The following LRBA variants were observed in gnomAD, a reference collection of about 807,000 sequenced individuals.
The protein encoded by LRBA is LPS responsive beige-like anchor protein, also known as lipopolysaccharide-responsive and beige-like anchor protein.
Under a neutral mutation model 330.0 loss-of-function variants are expected in LRBA, and 176 were observed. That is an observed-to-expected ratio of 0.53 (90% CI 0.47 to 0.60). The LOEUF is 0.60. Among genes scored for constraint, LRBA ranks in the 20% least tolerant of loss-of-function variants. LRBA has a pLI of 0.00. For synonymous variants in LRBA, 1,230 were observed against 1,193.0 expected, an observed-to-expected ratio of 1.03 and a Z score of -0.64; for missense variants, 3,259 against 3,444.8, an observed-to-expected ratio of 0.95 and a Z score of 1.35.
rs777328686 is a variant in LRBA, at chr4:150,768,063, C to CA, written c.5581-6217dup. Among the ~76,000 whole-genome samples the CA allele has an allele frequency of 1.4e-3, 79 of 57,886 alleles. 1 individual carries two copies. Among genetic ancestry groups the CA allele is most frequent in the East Asian group, 3.0e-3 (5 of 1,690 alleles). The allele number at this position is 57,886 out of a possible 152,430, so 38.0% of individuals were successfully genotyped here. A position where few individuals can be genotyped will look rare whatever the true frequency, so the allele number is the denominator to read the frequency against. ...TGGGCAACAGAATGAGACTCTGTCT[C>CA]AAAAAAAAAAAAAAAAAAAAGTTTT... On this transcript the variant is annotated intron_variant, in intron 34 of 56. Transcript: ENST00000651943.
chr4:150,583,363 C>T lies in LRBA; in HGVS notation c.6330+4685G>A. 6.2e-7 allele frequency: 1 copy of T among 1,614,194 alleles called. No homozygotes were observed. The highest frequency in any genetic ancestry group is 8.5e-7 in the Non-Finnish European group (1 of 1,180,044). On this transcript the variant is annotated intron_variant, in intron 40 of 56. Coordinates refer to ENST00000651943, the MANE Select transcript of LRBA (RefSeq NM_001364905.1). The surrounding 1 kb of genome is among the most constrained non-coding windows in gnomAD (Gnocchi z 9.8). ...CGATGGGCGGAAGCGGAGCATGTCT[C>T]TCTGGGTCGAGTTCATCACGGCGTC...
At chr4:150,550,226 CAGTT>C (rs1053939347) in intron 40 of LRBA, among the ~76,000 whole-genome samples, 46 of 152,116 alleles carry the variant, frequency 3.0e-4, no homozygotes, top group Admixed American at 8.5e-4. Flanking sequence ...TTTAATTGGT[CAGTT>C]AAAGTATTTT....
At position 150,552,710 on chromosome 4, in the gene LRBA, C is replaced by T. The variant is rs549008577; in HGVS notation, c.6330+35338G>A. On this transcript the variant is annotated intron_variant, in intron 40 of 56. Transcript: ENST00000651943. ...GACACATGCACACGTATGTTTACTG[C>T]GGCACTACTCACAATAGTAAAGACT... 7.2e-5 allele frequency among the ~76,000 whole-genome samples: 11 copies of T among 152,138 alleles called. No homozygotes were observed. The South Asian group carries it at 8.3e-4, about 12-fold the overall frequency.
intron 29 of LRBA, among the ~76,000 whole-genome samples, chr4:150,829,421 C>G (rs1033305296): frequency 1.8e-4 from 27 of 152,286 alleles, no homozygotes; most frequent in Admixed American, 1.4e-3. Flanking sequence ...TCAACCCATT[C>G]TAGCAAAAAT....
At chr4:150,462,795 C>G (rs951976811) in intron 44 of LRBA, among the ~76,000 whole-genome samples, 2 of 151,798 alleles carry the variant, frequency 1.3e-5, no homozygotes, top group Non-Finnish European at 2.9e-5. Context: ...GCTATGCATA[C>G]AATGTTTTCT....
At chr4:150,474,742 C>T (rs1026730092) in intron 42 of LRBA, among the ~76,000 whole-genome samples, 1 of 152,096 alleles carries the variant, frequency 6.6e-6, no homozygotes, top group Non-Finnish European at 1.5e-5. Flanking sequence ...TTTCTTCATT[C>T]CCAGTGCAGA....
In LRBA at chr4:150,583,002, G is replaced by A. The variant is rs1771594408; in HGVS notation, c.6330+5046C>T. ...ATCCCTCAACGTATTGCGAGACGCC[G>A]GTGTATAGCCCGGACCTGTGCCCCA... On this transcript the variant is annotated intron_variant, in intron 40 of 56. Coordinates refer to ENST00000651943, the MANE Select transcript of LRBA (RefSeq NM_001364905.1). The surrounding 1 kb of genome is among the most constrained non-coding windows in gnomAD (Gnocchi z 9.8). The A allele has an allele frequency of 6.5e-7, 1 of 1,547,484 alleles. No individual in the cohort carries two copies. Among genetic ancestry groups the A allele is most frequent in the South Asian group, 1.2e-5 (1 of 80,080 alleles).
At chr4:150,869,166 G>T (rs1753113522) in intron 20 of LRBA, among the ~76,000 whole-genome samples, 1 of 151,832 alleles carries the variant, frequency 6.6e-6, no homozygotes, top group Admixed American at 6.6e-5. Flanking sequence ...TGATCCACCT[G>T]CCTTGGCGTC....
intron 37 of LRBA, among the ~76,000 whole-genome samples, chr4:150,673,700 T>G (rs924537169): frequency 6.6e-6 from 1 of 152,180 alleles, no homozygotes; most frequent in Admixed American, 6.5e-5. Context: ...TCTATATTTA[T>G]TGACTAAGAA....
At chr4:150,489,509 T>TACATA (rs1758566543) in intron 41 of LRBA, among the ~76,000 whole-genome samples, 1 of 102,120 alleles carries the variant, frequency 9.8e-6, no homozygotes, top group Admixed American at 1.4e-4. Flanking sequence ...TATATAAGAA[T>TACATA]ATATAATATA....
Position 150,900,111 on chromosome 4 carries a change from A to G in LRBA, c.1862T>C (p.Leu621Pro), listed in dbSNP as rs1022666112. ...ATTCACTGCCCAGTAGTAGTACTTC[A>G]GCGTGTGCATGATGAGAAGCACTGT... is the stretch of plus-strand genomic sequence containing the variant. ...VGTVLLIMHT[L>P]KYYYWAVNPQ... The change falls in exon 14 of 57, where the codon CTG becomes CCG. Residue 621 changes from leucine to proline, a missense_variant. Coordinates refer to ENST00000651943, the MANE Select transcript of LRBA (RefSeq NM_001364905.1). The G allele has an allele frequency of 6.2e-7, 1 of 1,613,110 alleles. No homozygotes were observed. The highest frequency in any genetic ancestry group is 8.5e-7 in the Non-Finnish European group (1 of 1,179,228).
intron 38 of LRBA, among the ~76,000 whole-genome samples, chr4:150,598,409 C>T (rs1235306418): frequency 1.3e-5 from 2 of 151,846 alleles, no homozygotes; most frequent in Non-Finnish European, 2.9e-5. Flanking sequence ...TGCATTGTAT[C>T]AAAAAAGCAA....
intron 56 of LRBA, among the ~76,000 whole-genome samples, chr4:150,271,631 C>G (rs981678258): frequency 2.0e-5 from 3 of 151,208 alleles, no homozygotes; most frequent in African/African-American, 4.9e-5. Flanking sequence ...GCTGCCAGCA[C>G]AGCAGTCTGA....
chr4:150,654,214 T>C (rs1430170772), intron 37 of LRBA, among the ~76,000 whole-genome samples: 10 of 152,114 alleles, frequency 6.6e-5, no homozygotes, highest in Admixed American at 5.2e-4. Flanking sequence ...TGAGACAGAG[T>C]CTTACTCTGT....
intron 48 of LRBA, among the ~76,000 whole-genome samples, chr4:150,341,803 T>G (rs1464868480): frequency 4.6e-5 from 7 of 151,566 alleles, no homozygotes; most frequent in Non-Finnish European, 1.0e-4. Context: ...ACTTCATCAA[T>G]GAACTATTTC....
rs75096474 is a variant in LRBA, at chr4:150,584,192, G to A, written c.6330+3856C>T. ...CTCTGCTATAAACAGCAGAAACTCTGGACACAAACTTTTATGTAAGTCACC... is the reference window on the plus strand; with the variant it reads ...CTCTGCTATAAACAGCAGAAACTCTAGACACAAACTTTTATGTAAGTCACC... On this transcript the variant is annotated intron_variant, in intron 40 of 56. Transcript: ENST00000651943. 5,243 of 1,389,086 alleles carry A rather than the reference G, an allele frequency of 3.8e-3. 149 individuals are homozygous for A. In the African/African-American group the frequency reaches 0.059, roughly 16 times the overall value. The allele number at this position is 1,389,086 out of a possible 1,614,324, so 86.0% of individuals were successfully genotyped here.
At position 150,423,211 on chromosome 4, in the gene LRBA, T is replaced by A. The variant is rs1324934878; in HGVS notation, c.7042-7621A>T. 3.6e-6 allele frequency: 5 copies of A among 1,378,424 alleles called. No homozygotes were observed. In the Admixed American group the frequency reaches 7.2e-5, roughly 20 times the overall value. 85.4% of individuals were successfully genotyped at this position (1,378,424 alleles called of 1,614,324 possible). A position where few individuals can be genotyped will look rare whatever the true frequency, so the allele number is the denominator to read the frequency against. Reference sequence around the variant, plus strand: ...GTTGGCTTTCTTGGCTCTGGAGAAGTCGTTCACCCAAACGCTGCCAAGCAA... The same window carrying A: ...GTTGGCTTTCTTGGCTCTGGAGAAGACGTTCACCCAAACGCTGCCAAGCAA... On this transcript the variant is annotated intron_variant, in intron 46 of 56. Coordinates refer to ENST00000651943, the MANE Select transcript of LRBA (RefSeq NM_001364905.1).
chr4:150,392,445 C>G (rs1744118526), intron 47 of LRBA, among the ~76,000 whole-genome samples: 1 of 152,158 alleles, frequency 6.6e-6, no homozygotes, highest in Admixed American at 6.6e-5. Context: ...CTAATTCCAT[C>G]ATGACGGCTC....
At chr4:150,741,474 T>A (rs1422930055) in intron 35 of LRBA, among the ~76,000 whole-genome samples, 1 of 152,130 alleles carries the variant, frequency 6.6e-6, no homozygotes, top group Admixed American at 6.6e-5. Context: ...CTCCACAGAA[T>A]GGCTATATAT....
Sources: allele counts gnomAD v4.1 joint callset (sites outside exome capture counted in the v4.1 genomes callset), GRCh38; gene constraint gnomAD v4.1.1; non-coding constraint Gnocchi (gnomAD v3.1); transcripts MANE v1.5; gene names NCBI Gene and HGNC (gene_info 2026-07-23, HGNC 2026-07-21).